PDE9A: variants seen among roughly 807,000 people sequenced by gnomAD.
PDE9A encodes high affinity cGMP-specific 3',5'-cyclic phosphodiesterase 9A.
PDE9A carries 60 observed loss-of-function variants against 87.4 expected under a neutral mutation model. The observed-to-expected ratio is 0.69, with a 90% confidence interval of 0.56 to 0.85. The LOEUF (loss-of-function observed/expected upper bound fraction) is 0.85. Among genes scored for constraint, PDE9A ranks in the 40% least tolerant of loss-of-function variants. The pLI is 0.00. For missense variants in PDE9A, 665 were observed against 779.0 expected (o/e 0.85, Z 1.74); for synonymous variants, 272 against 279.4 (o/e 0.97, Z 0.27).
rs2060043014 is a variant in PDE9A at position 42,694,549 on chromosome 21, A to G, written c.219-4419A>G. Among the ~76,000 whole-genome samples the G allele has an allele frequency of 6.6e-6, 1 of 152,210 alleles. No individual in the cohort carries two copies. The highest frequency in any genetic ancestry group is 2.1e-4 in the South Asian group (1 of 4,828). On this transcript the variant is annotated intron_variant, in intron 3 of 19. Coordinates refer to ENST00000291539, the MANE Select transcript of PDE9A (RefSeq NM_002606.3). This position sits in a 1 kb window ranked among gnomAD's most constrained non-coding sequence, Gnocchi z 5.3. ...ACGGTCTCTTAGAGCTTAAAACTCTAGCTTCTTCTCTGCTCCTCATTCCAA... is the reference window on the plus strand; with the variant it reads ...ACGGTCTCTTAGAGCTTAAAACTCTGGCTTCTTCTCTGCTCCTCATTCCAA...
chr21:42,657,232 T>C (rs1426673322), intron 1 of PDE9A, among the ~76,000 whole-genome samples: 1 of 152,226 alleles, frequency 6.6e-6, no homozygotes, highest in Non-Finnish European at 1.5e-5. Context: ...GCCAGCAGCA[T>C]CTGCACCGGC....
intron 7 of PDE9A, among the ~76,000 whole-genome samples, chr21:42,737,338 A>C (rs534924575): frequency 6.6e-6 from 1 of 152,270 alleles, no homozygotes; most frequent in Non-Finnish European, 1.5e-5. Flanking sequence ...ATACATGCAC[A>C]CGTGTAAGCA....
intron 10 of PDE9A, among the ~76,000 whole-genome samples, chr21:42,755,110 G>T (rs1407281289): frequency 2.0e-5 from 3 of 152,260 alleles, no homozygotes; most frequent in African/African-American, 7.2e-5. Context: ...CTCGGCCTCA[G>T]CTGTTTTCAA....
Position 42,698,990 on chromosome 21 carries a change from G to A in PDE9A, c.241G>A (p.Val81Met). 1 of 1,613,274 alleles carries A rather than the reference G, an allele frequency of 6.2e-7. No homozygotes were observed. The highest frequency in any genetic ancestry group is 8.5e-7 in the Non-Finnish European group (1 of 1,179,234). Residue 81 changes from valine to methionine, a missense_variant, in exon 4 of 20, where the codon GTG becomes ATG. Val to Met is a conservative substitution (Grantham distance 21, BLOSUM62 1). Coordinates refer to ENST00000291539, the MANE Select transcript of PDE9A (RefSeq NM_002606.3). ...CAGCACTCCGTACAAAGTGAGACCTGTGGCCATCAAGCAACTCTCCGGTAA... is the reference window on the plus strand; with the variant it reads ...CAGCACTCCGTACAAAGTGAGACCTATGGCCATCAAGCAACTCTCCGGTAA... ...SERTPYKVRPVAIKQLSAGVE... is the reference protein window; with the variant it reads ...SERTPYKVRPMAIKQLSAGVE...
intron 4 of PDE9A, among the ~76,000 whole-genome samples, chr21:42,728,844 A>G (rs2051414881): frequency 6.6e-6 from 1 of 152,106 alleles, no homozygotes; most frequent in African/African-American, 2.4e-5. Context: ...TACTAAAAAT[A>G]CAAAAAATTA....
At chr21:42,738,776 C>T (rs2052764668) in intron 7 of PDE9A, among the ~76,000 whole-genome samples, 1 of 152,188 alleles carries the variant, frequency 6.6e-6, no homozygotes. Context: ...ACCTCCACCT[C>T]CCGGGTTCAA....
chr21:42,670,651 TCA>T (rs960249767), intron 1 of PDE9A, among the ~76,000 whole-genome samples: 19 of 146,024 alleles, frequency 1.3e-4, no homozygotes, highest in South Asian at 8.4e-4. Context: ...AAACTATCAT[TCA>T]CACACATACA....
At position 42,696,364 on chromosome 21, in the gene PDE9A, G is replaced by A. The variant is rs376229338; in HGVS notation, c.219-2604G>A. ...CCTTCTCTGCGCCTGGTCACTACCC[G>A]CCCCCCACCTCCAGCATTAATTTTC... On this transcript the variant is annotated intron_variant, in intron 3 of 19. Coordinates refer to ENST00000291539, the MANE Select transcript of PDE9A (RefSeq NM_002606.3). This position sits in a 1 kb window ranked among gnomAD's most constrained non-coding sequence, Gnocchi z 5.1. Among the ~76,000 whole-genome samples, 8 of 152,160 alleles carry A rather than the reference G, an allele frequency of 5.3e-5. No homozygotes were observed. The highest frequency in any genetic ancestry group is 5.9e-5 in the Non-Finnish European group (4 of 67,992).
intron 3 of PDE9A, among the ~76,000 whole-genome samples, chr21:42,690,313 T>TA (rs1477166017): frequency 6.6e-6 from 1 of 152,080 alleles, no homozygotes; most frequent in African/African-American, 2.4e-5. Context: ...AGGATATAGA[T>TA]AGATGCATAG....
At chr21:42,736,243 C>G (rs1465851509) in intron 7 of PDE9A, among the ~76,000 whole-genome samples, 1 of 152,174 alleles carries the variant, frequency 6.6e-6, no homozygotes, top group Non-Finnish European at 1.5e-5. Flanking sequence ...AGAATTATGT[C>G]GCCCACAACA....
intron 7 of PDE9A, among the ~76,000 whole-genome samples, chr21:42,737,852 A>G (rs1004975938): frequency 6.6e-6 from 1 of 152,204 alleles, no homozygotes; most frequent in Admixed American, 6.5e-5. Flanking sequence ...CTTAAATGGA[A>G]TTTCCTGCTT....
intron 1 of PDE9A, 38 bp from the exon 2 acceptor site, chr21:42,686,154 C>G (rs2059450939): frequency 6.4e-7 from 1 of 1,554,318 alleles, no homozygotes. Context: ...GGAGACCCGC[C>G]GCCCTCGCTG....
intron 7 of PDE9A, among the ~76,000 whole-genome samples, chr21:42,740,314 C>T (rs549877886): frequency 2.9e-4 from 44 of 152,038 alleles, no homozygotes; most frequent in African/African-American, 1.1e-3. Context: ...TGTGGCGGTG[C>T]ACCCCTTTAG....
At chr21:42,682,626 C>G (rs2059229772) in intron 1 of PDE9A, among the ~76,000 whole-genome samples, 1 of 152,234 alleles carries the variant, frequency 6.6e-6, no homozygotes, top group Admixed American at 6.5e-5. Context: ...TTGATGAACC[C>G]CTCTCTTCTC....
At chr21:42,773,891 T>G (rs1569288865) in intron 19 of PDE9A, among the ~76,000 whole-genome samples, 1 of 146,808 alleles carries the variant, frequency 6.8e-6, no homozygotes, top group Admixed American at 6.9e-5. Flanking sequence ...GATCACAAGG[T>G]CAGGAGATCG....
At chr21:42,717,644 G>A (rs113434390) in intron 4 of PDE9A, among the ~76,000 whole-genome samples, 1,573 of 150,712 alleles carry the variant, frequency 0.01, 42 homozygotes, top group African/African-American at 0.035. Context: ...CACCCACCTC[G>A]GCCTCCCAAA....
chr21:42,700,908 A>T (rs2048334635), intron 4 of PDE9A: 1 of 152,180 alleles, frequency 6.6e-6, no homozygotes, highest in Non-Finnish European at 1.5e-5. Context: ...ACTCTAAGTT[A>T]TCTCTGGTTT....
chr21:42,670,360 ACACACACATT>A (rs1478323708), intron 1 of PDE9A, among the ~76,000 whole-genome samples: 7 of 118,292 alleles, frequency 5.9e-5, no homozygotes, highest in East Asian at 2.2e-4. Context: ...ACACACATCC[ACACACACATT>A]CACACACATT....
chr21:42,735,917 C>G (rs1169144787), intron 7 of PDE9A, among the ~76,000 whole-genome samples: 2 of 152,202 alleles, frequency 1.3e-5, no homozygotes, highest in Non-Finnish European at 2.9e-5. Context: ...TCCACCAAGC[C>G]CCATGTCGCA....
Sources: allele counts gnomAD v4.1 joint callset (sites outside exome capture counted in the v4.1 genomes callset), GRCh38; gene constraint gnomAD v4.1.1; non-coding constraint Gnocchi (gnomAD v3.1); transcripts MANE v1.5; gene names NCBI Gene and HGNC (gene_info 2026-07-23, HGNC 2026-07-21).